The following GLI2 variants were observed in gnomAD, a reference collection of about 807,000 sequenced individuals.
The protein encoded by GLI2 is GLI family zinc finger 2, also known as transcription activator GLI2.
GLI2 carries 22 observed loss-of-function variants against 78.9 expected under a neutral mutation model. The ratio of observed to expected loss-of-function variants is 0.28; its 90% CI spans 0.20 to 0.40. The LOEUF is 0.40. Among genes scored for constraint, GLI2 ranks in the 10% least tolerant of loss-of-function variants. GLI2 has a pLI of 1.00. For missense variants in GLI2, 2,097 were observed against 2,213.2 expected (o/e 0.95, Z 1.05); for synonymous variants, 974 against 963.7 (o/e 1.01, Z -0.20).
At chr2:120,835,367 C>G (rs1350296900) in intron 2 of GLI2, among the ~76,000 whole-genome samples, 1 of 150,980 alleles carries the variant, frequency 6.6e-6, no homozygotes, top group Non-Finnish European at 1.5e-5. Flanking sequence ...CAGGCCCCAG[C>G]CAGTCACAGG....
intron 1 of GLI2, among the ~76,000 whole-genome samples, chr2:120,788,853 C>T (rs770551675): frequency 2.6e-5 from 4 of 152,052 alleles, no homozygotes; most frequent in Admixed American, 2.0e-4. Context: ...GGGCTGCATC[C>T]CCTGAAAGAG....
rs1685629093 is a variant in GLI2 at position 120,818,835 on chromosome 2, A to G, written c.148+21367A>G. Reference sequence around the variant, plus strand: ...ATGTTACCAGGGCCACCCGGCTAGTAAGTGGTTTGAGCCAGGATTTGAACT... The same window carrying G: ...ATGTTACCAGGGCCACCCGGCTAGTGAGTGGTTTGAGCCAGGATTTGAACT... On this transcript the variant is annotated intron_variant, in intron 2 of 13. Coordinates refer to ENST00000361492, the MANE Select transcript of GLI2 (RefSeq NM_001374353.1). 2.0e-5 allele frequency among the ~76,000 whole-genome samples: 3 copies of G among 152,222 alleles called. No individual in the cohort carries two copies. The South Asian group carries it at 6.2e-4, about 31-fold the overall frequency.
chr2:120,942,811 C>T (rs903329048), intron 3 of GLI2, among the ~76,000 whole-genome samples: 1 of 147,376 alleles, frequency 6.8e-6, no homozygotes, highest in African/African-American at 2.7e-5. Context: ...CATTCATTCA[C>T]TCATTCGTTC....
rs146811565 is a variant in GLI2 at position 120,988,854 on chromosome 2, C to T, written c.2889C>T (p.Ser963=). The T allele has an allele frequency of 8.1e-3, 12,101 of 1,490,924 alleles. 853 individuals are homozygous for T. The African/African-American group carries it at 0.15, about 19-fold the overall frequency. 92.4% of individuals were successfully genotyped at this position (1,490,924 alleles called of 1,614,324 possible). The change falls in exon 14 of 14, where the codon TCC becomes TCT. Residue 963 remains serine, a synonymous_variant. Transcript: ENST00000361492. The part of the protein sequence containing the change: ...SDPVRRPDAL[S]LPRVQRFHST... ...CTGTGCGGCGGCCCGATGCCCTGTC[C>T]CTGCCGCGGGTGCAGCGCTTCCACA...
intron 2 of GLI2, among the ~76,000 whole-genome samples, chr2:120,879,790 C>T (rs558399253): frequency 1.3e-5 from 2 of 152,298 alleles, no homozygotes; most frequent in African/African-American, 4.8e-5. Context: ...ACTCTGCACG[C>T]GCCTGTTCTA....
chr2:120,939,179 G>A (rs745531134), intron 3 of GLI2, among the ~76,000 whole-genome samples: 5 of 152,132 alleles, frequency 3.3e-5, no homozygotes, highest in Non-Finnish European at 7.3e-5. Context: ...CTACTGGGGA[G>A]GCTGAGGCAG....
intron 13 of GLI2, 109 bp downstream of exon 13, chr2:120,986,723 ATCT>A (rs1682999192): frequency 4.7e-6 from 4 of 857,580 alleles, no homozygotes; most frequent in Non-Finnish European, 7.5e-6. Context: ...TTCCTACAGG[ATCT>A]TACCAGCCCA....
At chr2:120,777,381 G>T (rs1000035668) in intron 1 of GLI2, among the ~76,000 whole-genome samples, 1 of 152,046 alleles carries the variant, frequency 6.6e-6, no homozygotes, top group African/African-American at 2.4e-5. Flanking sequence ...GTGTCTGAAC[G>T]AGATGAGGGA....
chr2:120,808,811 G>A (rs1685084366), intron 2 of GLI2, among the ~76,000 whole-genome samples: 1 of 152,156 alleles, frequency 6.6e-6, no homozygotes, highest in Non-Finnish European at 1.5e-5. Flanking sequence ...CTGGCATGTG[G>A]GCAGCGGGCT....
chr2:120,884,243 G>A (rs1423609685), intron 2 of GLI2, among the ~76,000 whole-genome samples: 3 of 152,202 alleles, frequency 2.0e-5, no homozygotes, highest in East Asian at 3.9e-4. Context: ...GAGGTCGTCC[G>A]CACGGATGGT....
intron 1 of GLI2, among the ~76,000 whole-genome samples, chr2:120,761,675 C>G (rs140810310): frequency 2.6e-5 from 4 of 152,260 alleles, no homozygotes; most frequent in East Asian, 3.9e-4. Flanking sequence ...TCCCCTGCCT[C>G]CCTCAAGCTG....
chr2:120,818,683 C>CTG (rs1414322594), intron 2 of GLI2, among the ~76,000 whole-genome samples: 1 of 152,206 alleles, frequency 6.6e-6, no homozygotes, highest in Non-Finnish European at 1.5e-5. Context: ...ACTCTCCAGT[C>CTG]CCCCAGTGTC....
At chr2:120,953,311 A>G (rs780655444) in intron 4 of GLI2, among the ~76,000 whole-genome samples, 1 of 152,214 alleles carries the variant, frequency 6.6e-6, no homozygotes, top group African/African-American at 2.4e-5. Flanking sequence ...TGGGAGTAAT[A>G]TGGCCACAAG....
chr2:120,850,859 T>A (rs1687374347), intron 2 of GLI2, among the ~76,000 whole-genome samples: 1 of 152,144 alleles, frequency 6.6e-6, no homozygotes, highest in Admixed American at 6.5e-5. Flanking sequence ...AAATAACCAA[T>A]AAATCAGAAA....
chr2:120,761,676 C>A (rs1446866347), intron 1 of GLI2, among the ~76,000 whole-genome samples: 1 of 152,116 alleles, frequency 6.6e-6, no homozygotes, highest in Non-Finnish European at 1.5e-5. Context: ...CCCCTGCCTC[C>A]CTCAAGCTGC....
chr2:120,950,195 A>G (rs1224172327), intron 3 of GLI2, among the ~76,000 whole-genome samples: 1 of 152,254 alleles, frequency 6.6e-6, no homozygotes. Flanking sequence ...CGGAGAGGTT[A>G]CAGTGTGATG....
rs1368084626 is a variant in GLI2 at position 120,776,231 on chromosome 2, G to T, written c.-30-21060G>T. Among the ~76,000 whole-genome samples the T allele has an allele frequency of 5.3e-5, 8 of 152,350 alleles. No individual in the cohort carries two copies. The South Asian group carries it at 1.7e-3, about 32-fold the overall frequency. On this transcript the variant is annotated intron_variant, in intron 1 of 13. Coordinates refer to ENST00000361492, the MANE Select transcript of GLI2 (RefSeq NM_001374353.1). The stretch of plus-strand genomic sequence containing the variant: ...TAATCTTCGCAGCACCGGACATGTT[G>T]TTCCCGCTTTCTAGATGGGAAACTG...
Position 120,978,539 on chromosome 2 carries a change from G to A in GLI2, c.1423G>A (p.Val475Met). The A allele has an allele frequency of 6.2e-7, 1 of 1,614,108 alleles. No homozygotes were observed. Among genetic ancestry groups the A allele is most frequent in the Non-Finnish European group, 8.5e-7 (1 of 1,180,028 alleles). Residue 475 changes from valine (V) to methionine (M), a missense_variant, in exon 10 of 14, where the codon GTG becomes ATG. By Grantham distance (21) the Val-to-Met change is conservative. Coordinates refer to ENST00000361492, the MANE Select transcript of GLI2 (RefSeq NM_001374353.1). ...KPFKAQYMLVVHMRRHTGEKP... is the reference protein window; with the variant it reads ...KPFKAQYMLVMHMRRHTGEKP... ...CTTCAAGGCGCAGTACATGCTGGTG[G>A]TGCACATGCGGCGACACACGGGCGA... is the stretch of plus-strand genomic sequence containing the variant.
intron 1 of GLI2, among the ~76,000 whole-genome samples, chr2:120,769,672 A>T (rs910523515): frequency 6.6e-6 from 1 of 151,990 alleles, no homozygotes; most frequent in African/African-American, 2.4e-5. Context: ...GCTGTGTGAG[A>T]GCGTGTGTGT....
Sources: gnomAD v4.1 joint callset for allele counts (sites outside exome capture counted in the v4.1 genomes callset) on GRCh38, gnomAD v4.1.1 for gene constraint, MANE v1.5 for transcripts, NCBI Gene and HGNC (gene_info 2026-07-23, HGNC 2026-07-21) for gene names.